The following DOK6 variants were observed in gnomAD, a reference collection of about 807,000 sequenced individuals.
DOK6 encodes downstream of tyrosine kinase 6.
DOK6 carries 22 observed loss-of-function variants against 44.0 expected under a neutral mutation model. That is an observed-to-expected ratio of 0.50 (90% CI 0.36 to 0.71). The LOEUF (loss-of-function observed/expected upper bound fraction) is 0.71, where lower values mean the gene tolerates loss of function less well. Among genes scored for constraint, DOK6 ranks in the 30% least tolerant of loss-of-function variants. The pLI is 0.00. For missense variants in DOK6, 340 were observed against 416.4 expected (o/e 0.82, Z 1.60); for synonymous variants, 166 against 145.5 (o/e 1.14, Z -1.01).
chr18:69,713,552 A>G (rs1362640843), intron 5 of DOK6, among the ~76,000 whole-genome samples: 1 of 152,208 alleles, frequency 6.6e-6, no homozygotes, highest in Non-Finnish European at 1.5e-5. Context: ...CCCCTCTGTT[A>G]AAGGTGACCT....
intron 1 of DOK6, among the ~76,000 whole-genome samples, chr18:69,403,693 A>G (rs1434589362): frequency 6.6e-6 from 1 of 152,130 alleles, no homozygotes; most frequent in Admixed American, 6.6e-5. Context: ...AGAATATTCT[A>G]ATATGCAGAA....
chr18:69,426,043 T>C (rs1235172391), intron 1 of DOK6, among the ~76,000 whole-genome samples: 1 of 152,178 alleles, frequency 6.6e-6, no homozygotes, highest in East Asian at 1.9e-4. Context: ...TTGTTATTGG[T>C]TGATGAGAGA....
chr18:69,619,490 C>T (rs867904507), intron 3 of DOK6, among the ~76,000 whole-genome samples: 3 of 152,164 alleles, frequency 2.0e-5, no homozygotes, highest in African/African-American at 7.2e-5. Context: ...AATTCACCTT[C>T]GGCACTACAT....
At chr18:69,838,237 T>TAA (rs541410720) in intron 7 of DOK6, among the ~76,000 whole-genome samples, 2,008 of 140,750 alleles carry the variant, frequency 0.014, 34 homozygotes, top group African/African-American at 0.033. Context: ...TCTAAAACTT[T>TAA]AAAAAAAAAA....
intron 3 of DOK6, among the ~76,000 whole-genome samples, chr18:69,606,757 A>ATTTTTT (rs71176989): frequency 1.0e-4 from 12 of 115,158 alleles, no homozygotes; most frequent in South Asian, 2.8e-4. Flanking sequence ...TTCAAAAAGG[A>ATTTTTT]TTTTTTTTTT....
intron 7 of DOK6, among the ~76,000 whole-genome samples, chr18:69,759,732 A>G (rs1412635549): frequency 6.6e-6 from 1 of 152,206 alleles, no homozygotes; most frequent in African/African-American, 2.4e-5. Context: ...TATAGATATA[A>G]TAACTGATTG....
intron 2 of DOK6, among the ~76,000 whole-genome samples, chr18:69,583,119 T>A (rs1477736703): frequency 6.6e-6 from 1 of 152,238 alleles, no homozygotes; most frequent in Non-Finnish European, 1.5e-5. Context: ...AACTTACATA[T>A]GTACTACAGA....
intron 4 of DOK6, among the ~76,000 whole-genome samples, chr18:69,697,250 T>C (rs1986409327): frequency 6.6e-6 from 1 of 152,188 alleles, no homozygotes; most frequent in Non-Finnish European, 1.5e-5. Context: ...ATTATGCTGT[T>C]ATGATGTATA....
At chr18:69,607,252 T>C (rs879346016) in intron 3 of DOK6, among the ~76,000 whole-genome samples, 7 of 152,238 alleles carry the variant, frequency 4.6e-5, no homozygotes, top group Non-Finnish European at 7.3e-5. Context: ...TTGATCTACT[T>C]TGTTGCCTTT....
At chr18:69,698,207 G>T (rs1986430686) in intron 4 of DOK6, among the ~76,000 whole-genome samples, 197 bp from the exon 5 acceptor site, 1 of 152,154 alleles carries the variant, frequency 6.6e-6, no homozygotes, top group South Asian at 2.1e-4. Flanking sequence ...ATGAATTAAT[G>T]ATTCAGAACA....
At chr18:69,726,240 ATAACTAGCTAG>A in intron 5 of DOK6, among the ~76,000 whole-genome samples, 1 of 152,318 alleles carries the variant, frequency 6.6e-6, no homozygotes, top group African/African-American at 2.4e-5. Context: ...TCTTCAGATT[ATAACTAGCTAG>A]TTCACTGAAT....
chr18:69,722,988 GAA>G lies in DOK6; in HGVS notation c.600-15973_600-15972del, dbSNP rs373187199. 3.2e-3 allele frequency among the ~76,000 whole-genome samples: 482 copies of G among 152,236 alleles called. 1 individual carries two copies. The highest frequency in any genetic ancestry group is 0.011 in the African/African-American group (457 of 41,544). On this transcript the variant is annotated intron_variant, in intron 5 of 7. Coordinates refer to ENST00000382713, the MANE Select transcript of DOK6 (RefSeq NM_152721.6). ...TTCATGTTTTAAAAAGAGCCCCAGA[GAA>G]AAATCCATAAAGTCAGCCAAATGCA...
intron 7 of DOK6, among the ~76,000 whole-genome samples, chr18:69,788,644 C>T (rs778552049): frequency 6.6e-5 from 10 of 152,102 alleles, no homozygotes; most frequent in Admixed American, 1.3e-4. Flanking sequence ...CAAAAGTGTT[C>T]GGCATAAAAC....
chr18:69,680,828 T>A (rs978016013), intron 4 of DOK6, among the ~76,000 whole-genome samples: 27 of 152,210 alleles, frequency 1.8e-4, no homozygotes, highest in Non-Finnish European at 3.2e-4. Flanking sequence ...AGCTATTTCT[T>A]AGACAATATA....
At chr18:69,833,174 G>A (rs1302063730) in intron 7 of DOK6, among the ~76,000 whole-genome samples, 1 of 151,976 alleles carries the variant, frequency 6.6e-6, no homozygotes, top group Non-Finnish European at 1.5e-5. Flanking sequence ...AACTACAATG[G>A]TATAGTAACA....
At chr18:69,622,976 G>A (rs1188917419) in intron 3 of DOK6, among the ~76,000 whole-genome samples, 1 of 152,128 alleles carries the variant, frequency 6.6e-6, no homozygotes, top group African/African-American at 2.4e-5. Context: ...ATATGGTTTG[G>A]CTCTGGGTCC....
chr18:69,637,284 G>T (rs182645669), intron 3 of DOK6, among the ~76,000 whole-genome samples: 1 of 152,126 alleles, frequency 6.6e-6, no homozygotes, highest in South Asian at 2.1e-4. Flanking sequence ...AAATTTTCAC[G>T]GTCACGTGAG....
intron 7 of DOK6, among the ~76,000 whole-genome samples, chr18:69,798,308 C>T (rs1980806989): frequency 2.0e-5 from 3 of 151,996 alleles, no homozygotes; most frequent in Admixed American, 2.0e-4. Flanking sequence ...AAAGATGGAC[C>T]TATTGAAGGG....
intron 3 of DOK6, among the ~76,000 whole-genome samples, chr18:69,611,893 C>T (rs1984148469): frequency 6.6e-6 from 1 of 151,808 alleles, no homozygotes; most frequent in South Asian, 2.1e-4. Flanking sequence ...AACTGTGCAG[C>T]ATTGATTGTG....
Sources: gnomAD v4.1 joint callset for allele counts (sites outside exome capture counted in the v4.1 genomes callset) on GRCh38, gnomAD v4.1.1 for gene constraint, MANE v1.5 for transcripts, NCBI Gene and HGNC (gene_info 2026-07-23, HGNC 2026-07-21) for gene names.